The following TRIM33 variants were observed in gnomAD, a reference collection of about 807,000 sequenced individuals.
TRIM33 encodes E3 ubiquitin-protein ligase TRIM33.
Under a neutral mutation model 125.4 loss-of-function variants are expected in TRIM33, and 20 were observed. That is an observed-to-expected ratio of 0.16 (90% CI 0.11 to 0.23). The LOEUF (loss-of-function observed/expected upper bound fraction) is 0.23. Ranked by LOEUF, TRIM33 falls within the 10% of genes least tolerant of loss-of-function variation. TRIM33 has a pLI of 1.00. For synonymous variants in TRIM33, 564 were observed against 513.9 expected (o/e 1.10, Z -1.32); for missense variants, 920 against 1,411.4 (o/e 0.65, Z 5.58).
chr1:114,444,143 C>T (rs529290263), intron 4 of TRIM33, among the ~76,000 whole-genome samples: 53 of 152,236 alleles, frequency 3.5e-4, no homozygotes, highest in Non-Finnish European at 6.3e-4. Context: ...AGGCAAAAAT[C>T]ACGGTGTGGG....
At chr1:114,400,202 A>AT in intron 17 of TRIM33, among the ~76,000 whole-genome samples, 1 of 152,130 alleles carries the variant, frequency 6.6e-6, no homozygotes, top group Admixed American at 6.5e-5. Context: ...TTATTGACTG[A>AT]TTGACTAATT....
chr1:114,446,832 A>G (rs1649010024), intron 4 of TRIM33, among the ~76,000 whole-genome samples: 1 of 152,160 alleles, frequency 6.6e-6, no homozygotes, highest in African/African-American at 2.4e-5. Flanking sequence ...AGGCGAGAGG[A>G]TCACACTTGA....
In TRIM33 at chr1:114,441,762, C is replaced by T. The variant is rs542320215; in HGVS notation, c.924-8029G>A. The stretch of plus-strand genomic sequence containing the variant: ...GGGTAACTTTTATCTGTGAAACTAA[C>T]GACTCTGAATGTGTTTCTTCCTCAA... On this transcript the variant is annotated intron_variant, in intron 4 of 19. Transcript: ENST00000358465. Among the ~76,000 whole-genome samples, 28 of 152,314 alleles carry T rather than the reference C, an allele frequency of 1.8e-4. No homozygotes were observed. In the South Asian group the frequency reaches 5.8e-3, roughly 32 times the overall value.
chr1:114,439,284 C>T (rs1433288424), intron 4 of TRIM33, among the ~76,000 whole-genome samples: 1 of 148,272 alleles, frequency 6.7e-6, no homozygotes, highest in African/African-American at 2.6e-5. Context: ...CCAGCCTGAC[C>T]AACATGGTGA....
intron 17 of TRIM33, among the ~76,000 whole-genome samples, chr1:114,400,032 T>C (rs1467393033): frequency 6.6e-6 from 1 of 152,096 alleles, no homozygotes; most frequent in South Asian, 2.1e-4. Context: ...ATCATTTACA[T>C]CACGAAGTCT....
chr1:114,511,118 C>G lies in TRIM33; in HGVS notation c.-42G>C, dbSNP rs889176491. 2.7e-6 allele frequency: 3 copies of G among 1,126,514 alleles called. No individual in the cohort carries two copies. Among genetic ancestry groups the G allele is most frequent in the Non-Finnish European group, 3.2e-6 (3 of 923,786 alleles). 69.8% of individuals were successfully genotyped at this position (1,126,514 alleles called of 1,614,324 possible). A position where few individuals can be genotyped will look rare whatever the true frequency, so the allele number is the denominator to read the frequency against. Reference sequence around the variant, plus strand: ...CCGCCGGACCGCCCCGCGCCGCCCGCCGCCCGCGTCGCCGCCGCCGCCGCC... The same window carrying G: ...CCGCCGGACCGCCCCGCGCCGCCCGGCGCCCGCGTCGCCGCCGCCGCCGCC... On this transcript the variant is annotated 5_prime_UTR_variant, in exon 1 of 20. Transcript: ENST00000358465.
At position 114,467,134 on chromosome 1, in the gene TRIM33, T is replaced by G. The variant is rs572694909; in HGVS notation, c.527-2746A>C. On this transcript the variant is annotated intron_variant, in intron 1 of 19. Coordinates refer to ENST00000358465, the MANE Select transcript of TRIM33 (RefSeq NM_015906.4). Reference sequence around the variant, plus strand: ...AACTATGCTAAACTATTTCTCTAATTAAAACGCTGGTCTATCAGTAACAAA... The same window carrying G: ...AACTATGCTAAACTATTTCTCTAATGAAAACGCTGGTCTATCAGTAACAAA... Among the ~76,000 whole-genome samples, 6 of 152,322 alleles carry G rather than the reference T, an allele frequency of 3.9e-5. No individual in the cohort carries two copies. The East Asian group carries it at 1.2e-3, about 29-fold the overall frequency.
At chr1:114,503,335 G>A (rs1037074713) in intron 1 of TRIM33, among the ~76,000 whole-genome samples, 1 of 152,078 alleles carries the variant, frequency 6.6e-6, no homozygotes, top group Admixed American at 6.6e-5. Context: ...ACAAAAATTA[G>A]CCAGGCATGG....
intron 1 of TRIM33, among the ~76,000 whole-genome samples, chr1:114,496,149 G>A (rs1324354322): frequency 6.6e-6 from 1 of 152,196 alleles, no homozygotes; most frequent in African/African-American, 2.4e-5. Flanking sequence ...CCTCATATCT[G>A]CCCTACGGCA....
intron 1 of TRIM33, among the ~76,000 whole-genome samples, chr1:114,488,087 A>G (rs1316593171): frequency 6.6e-6 from 1 of 152,070 alleles, no homozygotes; most frequent in Non-Finnish European, 1.5e-5. Context: ...TAGAAGTAAA[A>G]CGTCTATACT....
At chr1:114,469,826 T>C (rs1650530609) in intron 1 of TRIM33, among the ~76,000 whole-genome samples, 1 of 151,994 alleles carries the variant, frequency 6.6e-6, no homozygotes, top group Non-Finnish European at 1.5e-5. Flanking sequence ...GACCTGTCAA[T>C]AGAGGGAGAA....
chr1:114,435,505 A>G (rs951068981), intron 4 of TRIM33, among the ~76,000 whole-genome samples: 1 of 152,216 alleles, frequency 6.6e-6, no homozygotes, highest in African/African-American at 2.4e-5. Context: ...TTCTTCAATG[A>G]AAGTCTCAGC....
chr1:114,435,852 G>A (rs915425897), intron 4 of TRIM33, among the ~76,000 whole-genome samples: 9 of 144,262 alleles, frequency 6.2e-5, no homozygotes, highest in East Asian at 2.0e-4. Context: ...TCATTCTCCC[G>A]AGTAGCTGGG....
At chr1:114,482,013 G>A (rs1053419517) in intron 1 of TRIM33, among the ~76,000 whole-genome samples, 16 of 152,174 alleles carry the variant, frequency 1.1e-4, no homozygotes, top group East Asian at 9.7e-4. Flanking sequence ...TGCCCACCTC[G>A]GCCTCCCAAA....
chr1:114,409,131 T>C (rs1488516673), intron 12 of TRIM33, among the ~76,000 whole-genome samples: 2 of 152,252 alleles, frequency 1.3e-5, no homozygotes, highest in East Asian at 1.9e-4. Flanking sequence ...TTGCATCTCA[T>C]GGAAAATCCA....
intron 10 of TRIM33, among the ~76,000 whole-genome samples, chr1:114,424,005 A>C (rs1647382909): frequency 6.6e-6 from 1 of 152,192 alleles, no homozygotes; most frequent in African/African-American, 2.4e-5. Flanking sequence ...ATAACTAGAA[A>C]TCCTATGAAA....
chr1:114,424,475 C>T, intron 10 of TRIM33, 116 bp downstream of exon 10: 1 of 806,742 alleles, frequency 1.2e-6, no homozygotes, highest in Non-Finnish European at 1.9e-6. Context: ...AGAGGATATA[C>T]AGCATTAATC....
At chr1:114,473,624 G>C (rs1650792447) in intron 1 of TRIM33, among the ~76,000 whole-genome samples, 1 of 152,120 alleles carries the variant, frequency 6.6e-6, no homozygotes, top group African/African-American at 2.4e-5. Flanking sequence ...TCAGGGTGGA[G>C]CATGTGATCG....
At chr1:114,451,631 A>T (rs976274010) in intron 4 of TRIM33, among the ~76,000 whole-genome samples, 4 of 151,814 alleles carry the variant, frequency 2.6e-5, no homozygotes, top group Non-Finnish European at 5.9e-5. Context: ...TAAAAAAAAA[A>T]TTTAAATAAA....
Sources: allele counts gnomAD v4.1 joint callset (sites outside exome capture counted in the v4.1 genomes callset), GRCh38; gene constraint gnomAD v4.1.1; transcripts MANE v1.5; gene names NCBI Gene and HGNC (gene_info 2026-07-23, HGNC 2026-07-21).